Variants in WWOX observed in about 807,000 individuals in gnomAD.
The protein encoded by WWOX is WW domain containing oxidoreductase, also known as WW domain-containing oxidoreductase.
In WWOX, 69 loss-of-function variants were observed where a neutral mutation model predicts 46.2. The ratio of observed to expected loss-of-function variants is 1.49; its 90% CI spans 1.23 to 1.82. The LOEUF is 1.82. Among genes scored for constraint, WWOX ranks in the 40% most tolerant of loss-of-function variants. The pLI is 0.00. For missense variants in WWOX, 919 were observed against 542.6 expected, an observed-to-expected ratio of 1.69 and a Z score of -6.89; for synonymous variants, 359 against 202.6, an observed-to-expected ratio of 1.77 and a Z score of -6.56.
intron 8 of WWOX, among the ~76,000 whole-genome samples, chr16:79,041,046 C>G (rs1341763405): frequency 6.6e-6 from 1 of 152,014 alleles, no homozygotes; most frequent in East Asian, 1.9e-4. Context: ...GCTTCAGTCT[C>G]TTATCCAAGC....
In WWOX at chr16:78,343,995, C is replaced by A. The variant is rs1251614479; in HGVS notation, c.517-42865C>A. Among the ~76,000 whole-genome samples the A allele has an allele frequency of 1.7e-5, 2 of 119,686 alleles. 1 individual carries two copies. The highest frequency in any genetic ancestry group is 5.7e-5 in the African/African-American group (2 of 35,226). 78.5% of individuals were successfully genotyped at this position (119,686 alleles called of 152,430 possible). On this transcript the variant is annotated intron_variant, in intron 5 of 8. Transcript: ENST00000566780. ...CCTCCCTTGCTCTTTTTCTGCCCCT[C>A]ATGCCGGCTCCTTCCTCCCACATCA...
chr16:79,038,240 G>T (rs988372), intron 8 of WWOX, among the ~76,000 whole-genome samples: 20,319 of 152,032 alleles, frequency 0.13, 1,453 homozygotes, highest in East Asian at 0.2. Flanking sequence ...CATGCACGTG[G>T]TTATTCCCAG....
At chr16:78,514,567 A>C (rs2085442515) in intron 8 of WWOX, among the ~76,000 whole-genome samples, 1 of 152,170 alleles carries the variant, frequency 6.6e-6, no homozygotes, top group African/African-American at 2.4e-5. Flanking sequence ...TGGTGCTGAT[A>C]ACAGCTTCCT....
chr16:78,387,931 G>T (rs1443830122), intron 6 of WWOX, among the ~76,000 whole-genome samples: 2 of 152,076 alleles, frequency 1.3e-5, no homozygotes, highest in Admixed American at 6.6e-5. Context: ...GTTAGGCTCT[G>T]TTGGGAACAT....
chr16:78,143,748 G>GTA (rs1185806611), intron 4 of WWOX, among the ~76,000 whole-genome samples: 7 of 119,080 alleles, frequency 5.9e-5, no homozygotes, highest in African/African-American at 2.2e-4. Flanking sequence ...AAAAGAATTG[G>GTA]TATGTTTTTT....
At chr16:78,856,671 C>CT (rs1567607104) in intron 8 of WWOX, among the ~76,000 whole-genome samples, 1 of 152,030 alleles carries the variant, frequency 6.6e-6, no homozygotes, top group Non-Finnish European at 1.5e-5. Flanking sequence ...GAATAGATCT[C>CT]TTTCAGTACA....
At chr16:78,228,750 T>C (rs1248845204) in intron 5 of WWOX, among the ~76,000 whole-genome samples, 1 of 152,224 alleles carries the variant, frequency 6.6e-6, no homozygotes, top group Non-Finnish European at 1.5e-5. Context: ...GACAGATATG[T>C]CATTGAAGTT....
In WWOX at chr16:79,017,354, C is replaced by T. The variant is rs531285919; in HGVS notation, c.1057-194254C>T. On this transcript the variant is annotated intron_variant, in intron 8 of 8. Coordinates refer to ENST00000566780, the MANE Select transcript of WWOX (RefSeq NM_016373.4). Reference sequence around the variant, plus strand: ...CTGAAGCAGGAGAATAGCGTGAACCCGGGAGGCGGAGCTTGCAGTGAACCG... The same window carrying T: ...CTGAAGCAGGAGAATAGCGTGAACCTGGGAGGCGGAGCTTGCAGTGAACCG... The T allele has an allele frequency of 5.1e-4, 72 of 141,178 alleles. 1 individual carries two copies. Among genetic ancestry groups the T allele is most frequent in the East Asian group, 4.9e-3 (23 of 4,664 alleles). 8.7% of individuals were successfully genotyped at this position (141,178 alleles called of 1,614,324 possible). A position where few individuals can be genotyped will look rare whatever the true frequency, so the allele number is the denominator to read the frequency against.
At chr16:78,593,268 T>A (rs2045393918) in intron 8 of WWOX, among the ~76,000 whole-genome samples, 1 of 152,080 alleles carries the variant, frequency 6.6e-6, no homozygotes, top group South Asian at 2.1e-4. Flanking sequence ...CTTAAACTCC[T>A]GGCCTCAAGC....
chr16:78,321,337 C>T (rs1274025857), intron 5 of WWOX, among the ~76,000 whole-genome samples: 3 of 48,630 alleles, frequency 6.2e-5, no homozygotes, highest in South Asian at 6.2e-4. Flanking sequence ...CGTATATATG[C>T]GTATATATAT....
chr16:78,779,466 A>T (rs1327585028), intron 8 of WWOX, among the ~76,000 whole-genome samples: 1 of 152,230 alleles, frequency 6.6e-6, no homozygotes, highest in East Asian at 1.9e-4. Flanking sequence ...GTGGGGTATT[A>T]AGGCTCAGAA....
At position 78,338,953 on chromosome 16, in the gene WWOX, C is replaced by G. The variant is rs1030103246; in HGVS notation, c.517-47907C>G. The stretch of plus-strand genomic sequence containing the variant: ...TCATTTCTAACTCATTTAGTGAATT[C>G]AGTTGGTCTTTATATATGTAGCTTT... On this transcript the variant is annotated intron_variant, in intron 5 of 8. Transcript: ENST00000566780. Among the ~76,000 whole-genome samples, 7 of 120,698 alleles carry G rather than the reference C, an allele frequency of 5.8e-5. 3 individuals are homozygous for G. The highest frequency in any genetic ancestry group is 1.4e-4 in the Non-Finnish European group (7 of 50,546). 79.2% of individuals were successfully genotyped at this position (120,698 alleles called of 152,430 possible). A position where few individuals can be genotyped will look rare whatever the true frequency, so the allele number is the denominator to read the frequency against.
intron 8 of WWOX, among the ~76,000 whole-genome samples, chr16:79,201,795 C>G (rs919206182): frequency 4.5e-5 from 4 of 89,494 alleles, no homozygotes; most frequent in Non-Finnish European, 1.2e-4. Flanking sequence ...AAAAAGATAA[C>G]TAAATTGAAA....
chr16:79,119,614 A>G (rs112455265), intron 8 of WWOX, among the ~76,000 whole-genome samples: 286 of 152,352 alleles, frequency 1.9e-3, no homozygotes, highest in Non-Finnish European at 3.3e-3. Flanking sequence ...TGGATTCAAT[A>G]ATGTGCCAGC....
At chr16:78,187,225 A>G (rs2035737805) in intron 5 of WWOX, among the ~76,000 whole-genome samples, 1 of 152,178 alleles carries the variant, frequency 6.6e-6, no homozygotes, top group Non-Finnish European at 1.5e-5. Flanking sequence ...CTTTTTGCCC[A>G]TCCAACCCAC....
chr16:78,639,322 C>G (rs1389534029), intron 8 of WWOX, among the ~76,000 whole-genome samples: 3 of 152,152 alleles, frequency 2.0e-5, no homozygotes, highest in Admixed American at 6.5e-5. Context: ...TACAAGGAGA[C>G]CGGCACCTGG....
At chr16:78,256,471 C>T (rs1439515950) in intron 5 of WWOX, among the ~76,000 whole-genome samples, 1 of 151,868 alleles carries the variant, frequency 6.6e-6, no homozygotes, top group African/African-American at 2.4e-5. Context: ...CTGGGTAGCT[C>T]AGTCCAGGAG....
chr16:78,149,812 C>T (rs1207003761), intron 4 of WWOX, among the ~76,000 whole-genome samples: 1 of 152,126 alleles, frequency 6.6e-6, no homozygotes, highest in Non-Finnish European at 1.5e-5. Context: ...GCATTCCAGG[C>T]TGGTTTCTCC....
chr16:78,726,674 T>C (rs1164171292), intron 8 of WWOX, among the ~76,000 whole-genome samples: 2 of 151,902 alleles, frequency 1.3e-5, no homozygotes, highest in South Asian at 2.1e-4. Flanking sequence ...ATTAGGGCTT[T>C]ATGTAAAGCC....
Sources: gnomAD v4.1 joint callset for allele counts (sites outside exome capture counted in the v4.1 genomes callset) on GRCh38, gnomAD v4.1.1 for gene constraint, MANE v1.5 for transcripts, NCBI Gene and HGNC (gene_info 2026-07-23, HGNC 2026-07-21) for gene names.